PRICKLE2: variants seen among roughly 807,000 people sequenced by gnomAD.
PRICKLE2 encodes the protein prickle planar cell polarity protein 2, also known as prickle-like protein 2.
PRICKLE2 carries 21 observed loss-of-function variants against 81.4 expected under a neutral mutation model. The ratio of observed to expected loss-of-function variants is 0.26; its 90% confidence interval spans 0.18 to 0.37. The LOEUF is 0.37. Among genes scored for constraint, PRICKLE2 ranks in the 10% least tolerant of loss-of-function variants. The pLI, the probability that PRICKLE2 is intolerant of heterozygous loss-of-function variation, is 1.00. For missense variants in PRICKLE2, 940 were observed against 1,109.0 expected (o/e 0.85, Z 2.16); for synonymous variants, 456 against 421.5 (o/e 1.08, Z -1.00).
At chr3:64,199,058 C>T (rs1331547361) in intron 1 of PRICKLE2, 91 bp from the exon 2 acceptor site, 2 of 1,184,176 alleles carry the variant, frequency 1.7e-6, no homozygotes, top group African/African-American at 1.5e-5. Flanking sequence ...GGATCCCAAA[C>T]CATAAACACA....
chr3:64,251,305 C>A (rs889873995), intron 2 of PRICKLE2, among the ~76,000 whole-genome samples: 1 of 152,220 alleles, frequency 6.6e-6, no homozygotes, highest in African/African-American at 2.4e-5. Context: ...TCACAGTCCA[C>A]TTTGAATCAG....
At chr3:64,154,566 A>T (rs554659152) in intron 5 of PRICKLE2, 16 of 152,170 alleles carry the variant, frequency 1.1e-4, no homozygotes, top group African/African-American at 3.9e-4. Flanking sequence ...AAATTAATTC[A>T]AATGGGTTTA....
intron 1 of PRICKLE2, among the ~76,000 whole-genome samples, chr3:64,222,808 T>A (rs1401145960): frequency 2.0e-5 from 3 of 152,226 alleles, no homozygotes; most frequent in Non-Finnish European, 4.4e-5. Flanking sequence ...GTCTCTCACA[T>A]GCATAGGTGA....
intron 2 of PRICKLE2, among the ~76,000 whole-genome samples, chr3:64,188,923 T>C (rs987826066): frequency 1.3e-5 from 2 of 152,224 alleles, no homozygotes; most frequent in South Asian, 4.1e-4. Context: ...CCCTTTCTTA[T>C]TGCTTTGTTA....
intron 7 of PRICKLE2, among the ~76,000 whole-genome samples, chr3:64,103,728 C>T (rs533282168): frequency 1.3e-5 from 2 of 152,178 alleles, no homozygotes; most frequent in African/African-American, 4.8e-5. Context: ...GCCTGTAATC[C>T]CAGCACTTTG....
intron 2 of PRICKLE2, among the ~76,000 whole-genome samples, chr3:64,165,617 C>A (rs2077816757): frequency 6.6e-6 from 1 of 152,126 alleles, no homozygotes. Context: ...TGGGCTTAAG[C>A]ACTCTTCCCA....
In PRICKLE2 at chr3:64,147,530, G is replaced by A. The variant is rs746086398; in HGVS notation, c.960C>T (p.Asp320=). Residue 320 remains aspartate, a synonymous_variant, in exon 7 of 8, where the codon GAC becomes GAT. Coordinates refer to ENST00000638394, the MANE Select transcript of PRICKLE2 (RefSeq NM_198859.4). The surrounding 1 kb of genome is among the most constrained non-coding windows in gnomAD (Gnocchi z 5.0). The part of the protein sequence containing the change: ...CSAGEDPNGS[D]SSDSAFQNAR... ...CGTTCTGGAAGGCGGAATCAGAGGA[G>A]TCAGAACCATTGGGGTCTTCCCCAG... 1.2e-6 allele frequency: 2 copies of A among 1,614,138 alleles called. No individual in the cohort carries two copies. Among genetic ancestry groups the A allele is most frequent in the East Asian group, 2.2e-5 (1 of 44,892 alleles).
At chr3:64,224,101 A>T (rs1267128429) in intron 1 of PRICKLE2, among the ~76,000 whole-genome samples, 1 of 152,238 alleles carries the variant, frequency 6.6e-6, no homozygotes, top group Non-Finnish European at 1.5e-5. Context: ...GACAAGAGCC[A>T]CATTTGGACC....
rs75003612 is a variant in PRICKLE2, at chr3:64,202,162, A to C, written c.-40-3195T>G. On this transcript the variant is annotated intron_variant, in intron 1 of 7. Coordinates refer to ENST00000638394, the MANE Select transcript of PRICKLE2 (RefSeq NM_198859.4). ...TCTGCGGTAAGTTTTAAAATCATGAAGTATATATGAGTCAAGCAATTTTTG... is the reference window on the plus strand; with the variant it reads ...TCTGCGGTAAGTTTTAAAATCATGACGTATATATGAGTCAAGCAATTTTTG... Among the ~76,000 whole-genome samples the C allele has an allele frequency of 3.1e-3, 473 of 152,280 alleles. 6 individuals are homozygous for C. Among genetic ancestry groups the C allele is most frequent in the African/African-American group, 0.011 (438 of 41,562 alleles).
chr3:64,224,837 A>G, intron 1 of PRICKLE2, 73 bp downstream of exon 1: 1 of 893,346 alleles, frequency 1.1e-6, no homozygotes, highest in Non-Finnish European at 1.3e-6. Context: ...AAGGCCCTAG[A>G]TCTGGCTTTC....
At chr3:64,210,743 T>C (rs920288669) in intron 1 of PRICKLE2, among the ~76,000 whole-genome samples, 2 of 152,230 alleles carry the variant, frequency 1.3e-5, no homozygotes, top group Non-Finnish European at 2.9e-5. Context: ...CTTTTAAAAA[T>C]AAGCCTCCTG....
chr3:64,150,254 G>T (rs915837722), intron 6 of PRICKLE2, among the ~76,000 whole-genome samples: 1 of 152,114 alleles, frequency 6.6e-6, no homozygotes, highest in African/African-American at 2.4e-5. Flanking sequence ...ACGGCCATCT[G>T]CTTGGGTTCA....
At chr3:64,107,702 C>T (rs1269400534) in intron 7 of PRICKLE2, among the ~76,000 whole-genome samples, 1 of 152,126 alleles carries the variant, frequency 6.6e-6, no homozygotes, top group Non-Finnish European at 1.5e-5. Context: ...AGAAAATTAG[C>T]CAGGCATAGT....
chr3:64,139,538 G>A (rs1027440983), intron 7 of PRICKLE2, among the ~76,000 whole-genome samples: 8 of 152,154 alleles, frequency 5.3e-5, no homozygotes, highest in African/African-American at 1.9e-4. Flanking sequence ...AGGACTCCCT[G>A]CATCAGCACT....
chr3:64,103,418 T>C (rs2076700527), intron 7 of PRICKLE2: 1 of 152,100 alleles, frequency 6.6e-6, no homozygotes, highest in Non-Finnish European at 1.5e-5. Flanking sequence ...TCATAGAAAA[T>C]GCTTGGACAT....
At chr3:64,252,679 C>G (rs544346579) in intron 2 of PRICKLE2, among the ~76,000 whole-genome samples, 1 of 152,138 alleles carries the variant, frequency 6.6e-6, no homozygotes, top group Non-Finnish European at 1.5e-5. Flanking sequence ...AGTCAGGAAA[C>G]TTTTGTGAAA....
intron 1 of PRICKLE2, among the ~76,000 whole-genome samples, chr3:64,204,352 A>G (rs1358233265): frequency 6.6e-6 from 1 of 152,142 alleles, no homozygotes; most frequent in Non-Finnish European, 1.5e-5. Context: ...GAAAGGAAAT[A>G]TTATCTCCAC....
chr3:64,260,524 C>T (rs1382800709), intron 2 of PRICKLE2, among the ~76,000 whole-genome samples: 1 of 152,222 alleles, frequency 6.6e-6, no homozygotes, highest in Non-Finnish European at 1.5e-5. Flanking sequence ...ACCAGAGCTG[C>T]AGGCAAATAA....
At chr3:64,242,638 C>T (rs1050647377) in intron 2 of PRICKLE2, among the ~76,000 whole-genome samples, 1 of 152,242 alleles carries the variant, frequency 6.6e-6, no homozygotes, top group African/African-American at 2.4e-5. Flanking sequence ...GGCCAAGATT[C>T]CCAGATTCTT....
Sources: gnomAD v4.1 joint callset for allele counts (sites outside exome capture counted in the v4.1 genomes callset) on GRCh38, gnomAD v4.1.1 for gene constraint, Gnocchi (gnomAD v3.1) non-coding constraint, MANE v1.5 for transcripts, NCBI Gene and HGNC (gene_info 2026-07-23, HGNC 2026-07-21) for gene names.